Variants in CA4 observed in about 807,000 individuals in gnomAD.
CA4 encodes the protein carbonic anhydrase 4.
Under a neutral mutation model 34.5 loss-of-function variants are expected in CA4, and 24 were observed. That is an observed-to-expected ratio of 0.70 (90% CI 0.50 to 0.98). The LOEUF (loss-of-function observed/expected upper bound fraction) is 0.98. CA4 is among the 50% of genes least tolerant of loss of function. The pLI, the probability that CA4 is intolerant of heterozygous loss-of-function variation, is 0.00. For synonymous variants in CA4, 178 were observed against 170.6 expected (o/e 1.04, Z -0.34); for missense variants, 394 against 396.7 (o/e 0.99, Z 0.06).
At chr17:60,178,590 A>G in the CA4 span, among the ~76,000 whole-genome samples, 2 of 152,230 alleles carry the variant, frequency 1.3e-5, no homozygotes, top group South Asian at 4.1e-4. Flanking sequence ...ACAGCTCTTA[A>G]GAGAGCCTCC....
At position 60,157,536 on chromosome 17, in the gene CA4, G is replaced by A. The variant is rs748990742; in HGVS notation, c.378G>A (p.Ser126=). The change falls in exon 4 of 8, where the codon TCG becomes TCA. Residue 126 remains serine (S), a synonymous_variant. Transcript: ENST00000300900. ...LHWSDLPYKG[S]EHSLDGEHFA... ...GGTCCGACTTGCCATATAAGGGCTCGGAGCACAGCCTCGATGGGGAGCACT... is the reference window on the plus strand; with the variant it reads ...GGTCCGACTTGCCATATAAGGGCTCAGAGCACAGCCTCGATGGGGAGCACT... The A allele has an allele frequency of 2.0e-5, 32 of 1,614,094 alleles. No individual in the cohort carries two copies. The highest frequency in any genetic ancestry group is 1.5e-4 in the South Asian group (14 of 91,094).
At chr17:60,162,755 C>A (rs1259273396), downstream of CA4, among the ~76,000 whole-genome samples, 1 of 152,132 alleles carries the variant, frequency 6.6e-6, no homozygotes, top group Non-Finnish European at 1.5e-5. Flanking sequence ...TGCTGCAATC[C>A]CATTGGGGTG....
chr17:60,154,592 C>T (rs2083646671), intron 1 of CA4, among the ~76,000 whole-genome samples: 1 of 152,256 alleles, frequency 6.6e-6, no homozygotes, highest in African/African-American at 2.4e-5. Flanking sequence ...TTCTGCCCTG[C>T]ATGCACTTTC....
At chr17:60,158,530 C>A in intron 7 of CA4, 84 bp downstream of exon 7, 1 of 1,394,534 alleles carries the variant, frequency 7.2e-7, no homozygotes, top group African/African-American at 1.4e-5. Context: ...AGAGGTCCCT[C>A]AGGATACAGG....
At chr17:60,160,641 G>A (rs1022951892), downstream of CA4, among the ~76,000 whole-genome samples, 1 of 151,608 alleles carries the variant, frequency 6.6e-6, no homozygotes, top group African/African-American at 2.4e-5. Context: ...GCGGGTGCCG[G>A]TAATTCAGCT....
Position 60,153,854 on chromosome 17 carries a change from A to T in CA4, c.59-1460A>T, listed in dbSNP as rs138164477. 9.9e-3 allele frequency among the ~76,000 whole-genome samples: 1,515 copies of T among 152,322 alleles called. 24 individuals carry two copies. Among genetic ancestry groups the T allele is most frequent in the Non-Finnish European group, 0.013 (880 of 68,016 alleles). On this transcript the variant is annotated intron_variant, in intron 1 of 7. Coordinates refer to ENST00000300900, the MANE Select transcript of CA4 (RefSeq NM_000717.5). Reference sequence around the variant, plus strand: ...CCCTGCCCGGGGCTGGGGATGGGCCATCAGGGGGAGGACACTGCAGCTCTG... The same window carrying T: ...CCCTGCCCGGGGCTGGGGATGGGCCTTCAGGGGGAGGACACTGCAGCTCTG...
At chr17:60,151,174 C>T (rs902946824) in intron 1 of CA4, among the ~76,000 whole-genome samples, 1 of 152,172 alleles carries the variant, frequency 6.6e-6, no homozygotes, top group African/African-American at 2.4e-5. Flanking sequence ...GGAAGACCCC[C>T]TCTGCCAGTT....
Position 60,165,041 on chromosome 17 carries a change from C to T in CA4, c.*179-5510C>T, listed in dbSNP as rs183468407. On this transcript the variant is annotated intron_variant and NMD_transcript_variant, in intron 5 of 5. Coordinates refer to the CA4 transcript ENST00000586876. ...TTGTTGTCAAGATGAAACAAGATGC[C>T]GGGACAAGAGGAGATATTCAATAAT... 1.1e-4 allele frequency among the ~76,000 whole-genome samples: 17 copies of T among 152,072 alleles called. 1 individual carries two copies. The highest frequency in any genetic ancestry group is 7.7e-4 in the East Asian group (4 of 5,186).
At chr17:60,155,779 G>A (rs547925987) in intron 2 of CA4, among the ~76,000 whole-genome samples, 10 of 152,270 alleles carry the variant, frequency 6.6e-5, no homozygotes, top group Non-Finnish European at 1.3e-4. Context: ...GTCATCGAGA[G>A]GGCATGTTCC....
intron 3 of CA4, among the ~76,000 whole-genome samples, chr17:60,157,208 G>A (rs952750229): frequency 1.4e-4 from 22 of 152,262 alleles, no homozygotes; most frequent in Non-Finnish European, 2.9e-4. Context: ...GGAGGGTGCA[G>A]GAGAGGGGGA....
At chr17:60,162,684 C>T (rs564587048), downstream of CA4, among the ~76,000 whole-genome samples, 2 of 152,144 alleles carry the variant, frequency 1.3e-5, no homozygotes, top group South Asian at 2.1e-4. Flanking sequence ...GGTCACTGGC[C>T]GGCACTCAGC....
At chr17:60,175,793 C>T (rs1451160401), downstream of CA4, among the ~76,000 whole-genome samples, 1 of 151,074 alleles carries the variant, frequency 6.6e-6, no homozygotes, top group Non-Finnish European at 1.5e-5. Flanking sequence ...GCCACTGCTG[C>T]TGATTGAACA....
downstream of CA4, among the ~76,000 whole-genome samples, chr17:60,175,476 G>T (rs2083951968): frequency 6.6e-6 from 1 of 150,990 alleles, no homozygotes; most frequent in African/African-American, 2.4e-5. Context: ...GGCTGAGGTG[G>T]GAGGATTGCT....
In CA4 at chr17:60,155,325, T is replaced by TG; in HGVS notation, c.71dup (p.Cys24TrpfsTer54). The TG allele has an allele frequency of 6.2e-7, 1 of 1,611,256 alleles. No homozygotes were observed. The highest frequency in any genetic ancestry group is 8.5e-7 in the Non-Finnish European group (1 of 1,178,888). On this transcript the variant is annotated frameshift_variant, in exon 2 of 8. Coordinates refer to ENST00000300900, the MANE Select transcript of CA4 (RefSeq NM_000717.5). LOFTEE classifies it high-confidence loss of function. ...CCTCTCTGCTCCAGAGTCACACTGGTGCTACGAGGTTCAAGCCGAGTCCTC... is the reference window on the plus strand; with the variant it reads ...CCTCTCTGCTCCAGAGTCACACTGGTGGCTACGAGGTTCAAGCCGAGTCCTC...
intron 5 of CA4, among the ~76,000 whole-genome samples, chr17:60,165,177 T>C (rs1206749662): frequency 6.6e-6 from 1 of 152,146 alleles, no homozygotes; most frequent in Admixed American, 6.6e-5. Flanking sequence ...TGCAGAGTGA[T>C]GCATAATGAA....
intron 2 of CA4, 68 bp downstream of exon 2, chr17:60,155,435 C>T: frequency 7.5e-7 from 1 of 1,338,412 alleles, no homozygotes; most frequent in Non-Finnish European, 1.1e-6. Context: ...GAAATGGAGA[C>T]CCCGGAAGAG....
chr17:60,153,622 C>G (rs182840288), intron 1 of CA4, among the ~76,000 whole-genome samples: 226 of 152,332 alleles, frequency 1.5e-3, no homozygotes, highest in Middle Eastern at 6.8e-3. Context: ...ATCGGGACCC[C>G]TTTCCTGTAA....
At chr17:60,170,157 A>G (rs1469681792) in intron 5 of CA4, among the ~76,000 whole-genome samples, 1 of 152,220 alleles carries the variant, frequency 6.6e-6, no homozygotes, top group African/African-American at 2.4e-5. Context: ...CTGGGGCATA[A>G]ACAGCTGAGG....
In CA4 at chr17:60,156,555, C is replaced by T; in HGVS notation, c.113-5C>T. The T allele has an allele frequency of 6.2e-7, 1 of 1,614,152 alleles. No homozygotes were observed. On this transcript the variant is annotated splice_polypyrimidine_tract_variant and splice_region_variant and intron_variant, in intron 2 of 7. Coordinates refer to ENST00000300900, the MANE Select transcript of CA4 (RefSeq NM_000717.5). ...ACTCTCAGCCCACCTTCTCTCCCTGCTCAGTGCCAGTCAAGTGGGGTGGAA... is the reference window on the plus strand; with the variant it reads ...ACTCTCAGCCCACCTTCTCTCCCTGTTCAGTGCCAGTCAAGTGGGGTGGAA...
Sources: allele counts gnomAD v4.1 joint callset (sites outside exome capture counted in the v4.1 genomes callset), GRCh38; gene constraint gnomAD v4.1.1; transcripts MANE v1.5; gene names NCBI Gene and HGNC (gene_info 2026-07-23, HGNC 2026-07-21).